Variants in TTC28 observed in about 807,000 individuals in gnomAD.
TTC28 encodes tetratricopeptide repeat protein 28.
Under a neutral mutation model 198.0 loss-of-function variants are expected in TTC28, and 61 were observed. The observed-to-expected ratio is 0.31, with a 90% CI of 0.25 to 0.38. The LOEUF (loss-of-function observed/expected upper bound fraction) is 0.38, where lower values mean the gene tolerates loss of function less well. TTC28 is among the 10% of genes least tolerant of loss of function. TTC28 has a pLI of 1.00. For missense variants in TTC28, 2,678 were observed against 3,164.0 expected, an observed-to-expected ratio of 0.85 and a Z score of 3.69; for synonymous variants, 1,171 against 1,297.8, an observed-to-expected ratio of 0.90 and a Z score of 2.10.
At position 27,982,965 on chromosome 22, in the gene TTC28, C is replaced by A. The variant is rs1937074356; in HGVS notation, c.6702G>T (p.Lys2234Asn). The A allele has an allele frequency of 6.4e-7, 1 of 1,551,630 alleles. No homozygotes were observed. The highest frequency in any genetic ancestry group is 1.2e-5 in the South Asian group (1 of 84,052). ...SQPSPVTVKP[K>N]PPARSSSLPK... ...GCAGGGAGGAGCTCCTGGCTGGGGG[C>A]TTTGGTTTAACAGTGACTGGTGATG... The change falls in exon 23 of 23, where the codon AAG becomes AAT. Residue 2234 changes from lysine (K) to asparagine (N), a missense_variant. By Grantham distance (94) the Lys-to-Asn change is moderately conservative. Around this residue, in one of 8 missense-constraint regions of TTC28, gnomAD observed 622 missense variants for 656.0 expected, o/e 0.95. Transcript: ENST00000397906. This position sits in a 1 kb window ranked among gnomAD's most constrained non-coding sequence, Gnocchi z 5.2.
Position 28,107,378 on chromosome 22 carries a change from G to C in TTC28, c.2467C>G (p.Leu823Val). 1 of 1,551,850 alleles carries C rather than the reference G, an allele frequency of 6.4e-7. No homozygotes were observed. The change falls in exon 7 of 23, where the codon CTA (leucine) becomes GTA (valine). Residue 823 changes from leucine (L) to valine (V), a missense_variant. Physicochemically the swap from Leu to Val is conservative, Grantham distance 32. This residue lies in a region of TTC28 where 775 missense variants were observed against 845.9 expected (regional missense o/e 0.92). Transcript: ENST00000397906. ...AFKCYEEQLD[L>V]GQKLKDPSLE... ...CTCGGATCCTTCAGCTTTTGCCCTA[G>C]ATCCAGTTGCTCTTCATAACACTTG...
chr22:28,155,693 A>T (rs552578308), intron 6 of TTC28, among the ~76,000 whole-genome samples: 22 of 152,344 alleles, frequency 1.4e-4, no homozygotes, highest in African/African-American at 5.1e-4. Context: ...TGGTGAGATT[A>T]GTGAAAATGG....
intron 2 of TTC28, among the ~76,000 whole-genome samples, chr22:28,433,132 T>G (rs2047457546): frequency 6.6e-6 from 1 of 152,170 alleles, no homozygotes; most frequent in South Asian, 2.1e-4. Context: ...CAAATTTGCA[T>G]TTTCCTATGA....
At chr22:28,007,509 AG>A (rs1937976427) in intron 14 of TTC28, 2 of 152,270 alleles carry the variant, frequency 1.3e-5, no homozygotes, top group South Asian at 4.1e-4. Flanking sequence ...AAGAGCCAGA[AG>A]GGCCTGCCTG....
chr22:28,317,955 G>T (rs2045378423), intron 2 of TTC28, among the ~76,000 whole-genome samples: 1 of 152,144 alleles, frequency 6.6e-6, no homozygotes, highest in Non-Finnish European at 1.5e-5. Flanking sequence ...CCAGGCTGGA[G>T]CACAGTGGTG....
At position 28,105,486 on chromosome 22, in the gene TTC28, T is replaced by C. The variant is rs1201197014; in HGVS notation, c.3100A>G (p.Thr1034Ala). The change falls in exon 8 of 23, where the codon ACG becomes GCG. Residue 1034 changes from threonine to alanine, a missense_variant. Transcript: ENST00000397906. The part of the protein sequence containing the change: ...LQIAEETNNP[T>A]CQGRAYGNLG... ...TTCCCATAGGCTCGGCCCTGGCACG[T>C]GGGGTTGTTGGTTTCCTCTGCTATC... 3.2e-6 allele frequency: 5 copies of C among 1,551,518 alleles called. No homozygotes were observed. The highest frequency in any genetic ancestry group is 4.4e-6 in the Non-Finnish European group (5 of 1,146,984).
chr22:28,144,261 G>C (rs1943408197), intron 6 of TTC28, among the ~76,000 whole-genome samples: 2 of 152,190 alleles, frequency 1.3e-5, no homozygotes, highest in Non-Finnish European at 2.9e-5. Context: ...ATTCAAACCA[G>C]GGCCTGTCTA....
At chr22:28,132,544 T>C (rs1184906596) in intron 6 of TTC28, among the ~76,000 whole-genome samples, 2 of 152,170 alleles carry the variant, frequency 1.3e-5, no homozygotes, top group African/African-American at 4.8e-5. Flanking sequence ...CTGAATATTT[T>C]TCAAAAAACC....
intron 13 of TTC28, chr22:28,028,906 G>C: frequency 2.2e-6 from 1 of 445,614 alleles, no homozygotes; most frequent in Non-Finnish European, 4.7e-6. Flanking sequence ...GACTGAGGCT[G>C]ACAGAGGTGA....
At chr22:28,617,333 A>G (rs62235674) in intron 2 of TTC28, among the ~76,000 whole-genome samples, 3 of 104,088 alleles carry the variant, frequency 2.9e-5, no homozygotes, top group African/African-American at 1.2e-4. Flanking sequence ...ACTTTTTTTG[A>G]AAAAAAAAAA....
At chr22:28,040,363 G>T (rs1331469938) in intron 12 of TTC28, among the ~76,000 whole-genome samples, 5 of 152,174 alleles carry the variant, frequency 3.3e-5, no homozygotes, top group Non-Finnish European at 7.3e-5. Flanking sequence ...ACCGAATCCA[G>T]CAGCACATAA....
At chr22:28,629,263 A>G (rs34780660) in intron 2 of TTC28, among the ~76,000 whole-genome samples, 7,530 of 152,240 alleles carry the variant, frequency 0.049, 263 homozygotes, top group African/African-American at 0.094. Flanking sequence ...TCCAAAACCT[A>G]TATAAAGAAC....
chr22:28,604,865 G>T (rs935969127), intron 2 of TTC28, among the ~76,000 whole-genome samples: 3 of 152,076 alleles, frequency 2.0e-5, no homozygotes, highest in African/African-American at 7.2e-5. Context: ...CCCACAAAGC[G>T]CCTATCTACA....
rs900885244 is a variant in TTC28 at position 28,140,044 on chromosome 22, G to A, written c.1441+23048C>T. On this transcript the variant is annotated intron_variant, in intron 6 of 22. Coordinates refer to ENST00000397906, the MANE Select transcript of TTC28 (RefSeq NM_001145418.2). ...GTAAAACACTTGCTTATGGGCTCAG[G>A]TCTGGGTGTAGTCCTGGCTGCCTGG... is the stretch of plus-strand genomic sequence containing the variant. 2.0e-5 allele frequency among the ~76,000 whole-genome samples: 3 copies of A among 152,194 alleles called. No individual in the cohort carries two copies. The East Asian group carries it at 5.8e-4, about 29-fold the overall frequency.
intron 13 of TTC28, among the ~76,000 whole-genome samples, chr22:28,025,432 T>C (rs1422061534): frequency 6.6e-6 from 1 of 152,186 alleles, no homozygotes; most frequent in African/African-American, 2.4e-5. Context: ...AGCCCAAGAT[T>C]TCTCCTCTGC....
intron 1 of TTC28, among the ~76,000 whole-genome samples, chr22:28,654,648 C>T (rs2051615798): frequency 2.0e-5 from 3 of 152,094 alleles, no homozygotes; most frequent in Admixed American, 2.0e-4. Context: ...TTATTAAATG[C>T]CCACTCCTTT....
chr22:28,474,706 T>C (rs2048138681), intron 2 of TTC28, among the ~76,000 whole-genome samples: 1 of 152,214 alleles, frequency 6.6e-6, no homozygotes, highest in Non-Finnish European at 1.5e-5. Context: ...TCTCTAAGTA[T>C]ATAGCGCAGC....
chr22:28,347,100 C>T (rs894474629), intron 2 of TTC28, among the ~76,000 whole-genome samples: 3 of 151,328 alleles, frequency 2.0e-5, no homozygotes, highest in African/African-American at 4.9e-5. Context: ...CCATCTCCCC[C>T]AAAAAATACA....
chr22:28,401,492 T>C (rs1376216570), intron 2 of TTC28, among the ~76,000 whole-genome samples: 1 of 152,156 alleles, frequency 6.6e-6, no homozygotes, highest in Non-Finnish European at 1.5e-5. Context: ...GGTGCCTGCC[T>C]GTAATTCCAG....
Sources: gnomAD v4.1 joint callset for allele counts (sites outside exome capture counted in the v4.1 genomes callset) on GRCh38, gnomAD v4.1.1 for gene constraint, gnomAD v4.1.1 regional missense constraint, Gnocchi (gnomAD v3.1) non-coding constraint, MANE v1.5 for transcripts, NCBI Gene and HGNC (gene_info 2026-07-23, HGNC 2026-07-21) for gene names.